Variants in JMJD1C observed in about 807,000 individuals in gnomAD.
JMJD1C encodes jumonji domain-containing protein 1C.
Under a neutral mutation model 245.3 loss-of-function variants are expected in JMJD1C, and 31 were observed. That is an observed-to-expected ratio of 0.13 (90% CI 0.09 to 0.17). The LOEUF (loss-of-function observed/expected upper bound fraction) is 0.17, where lower values mean the gene tolerates loss of function less well. JMJD1C is among the 10% of genes least tolerant of loss of function. The pLI is 1.00. For missense variants in JMJD1C, 2,691 were observed against 3,000.2 expected (o/e 0.90, Z 2.41); for synonymous variants, 1,057 against 1,017.4 (o/e 1.04, Z -0.74).
chr10:63,219,843 C>CA, intron 4 of JMJD1C, 35 bp downstream of exon 4: 1 of 1,510,946 alleles, frequency 6.6e-7, no homozygotes, highest in Non-Finnish European at 9.2e-7. Flanking sequence ...TGCCTAGATC[C>CA]AAAAAAATTT....
intron 1 of JMJD1C, among the ~76,000 whole-genome samples, chr10:63,391,964 G>A (rs1475220379): frequency 6.6e-6 from 1 of 152,112 alleles, no homozygotes; most frequent in African/African-American, 2.4e-5. Flanking sequence ...GTACTAACCA[G>A]GCTTTAAACC....
chr10:63,222,053 A>G, intron 3 of JMJD1C: 2 of 449,860 alleles, frequency 4.4e-6, no homozygotes, highest in South Asian at 4.1e-5. Context: ...GAAAACCATT[A>G]CTATTTTCAG....
intron 16 of JMJD1C, among the ~76,000 whole-genome samples, chr10:63,192,258 TAAAAAAAAAAAAA>T: frequency 9.1e-6 from 1 of 110,330 alleles, no homozygotes; most frequent in South Asian, 3.0e-4. Flanking sequence ...CTACAAAAAC[TAAAAAAAAAAAAA>T]AAAAAAAAAA....
intron 1 of JMJD1C, among the ~76,000 whole-genome samples, chr10:63,490,926 A>G (rs1954153949): frequency 6.6e-6 from 1 of 152,232 alleles, no homozygotes; most frequent in African/African-American, 2.4e-5. Context: ...ACATTTACTG[A>G]GCACCTACCA....
intron 3 of JMJD1C, among the ~76,000 whole-genome samples, chr10:63,238,040 G>A (rs1850970499): frequency 7.1e-6 from 1 of 140,886 alleles, no homozygotes; most frequent in Middle Eastern, 3.9e-3. Context: ...AAAAAGCCGG[G>A]TATGGAGGCA....
chr10:63,274,824 A>G (rs964411276), intron 2 of JMJD1C, among the ~76,000 whole-genome samples: 1 of 152,186 alleles, frequency 6.6e-6, no homozygotes, highest in Non-Finnish European at 1.5e-5. Flanking sequence ...TAGTGAGGAA[A>G]AGACAACCAA....
chr10:63,392,386 A>G (rs1225233587), intron 1 of JMJD1C, among the ~76,000 whole-genome samples: 1 of 152,204 alleles, frequency 6.6e-6, no homozygotes, highest in Non-Finnish European at 1.5e-5. Flanking sequence ...TAAACTGCAC[A>G]GTTCTGCACG....
intron 2 of JMJD1C, among the ~76,000 whole-genome samples, chr10:63,302,790 C>G (rs1181218485): frequency 1.3e-5 from 2 of 152,144 alleles, no homozygotes; most frequent in Admixed American, 6.6e-5. Context: ...TTGGAATTAG[C>G]CAAAATTATG....
intron 2 of JMJD1C, among the ~76,000 whole-genome samples, chr10:63,360,729 A>G (rs995999403): frequency 1.3e-5 from 2 of 152,156 alleles, no homozygotes; most frequent in Non-Finnish European, 2.9e-5. Flanking sequence ...GATAAATATT[A>G]CATACCACAA....
chr10:63,307,700 G>GA (rs1173333161), intron 2 of JMJD1C, among the ~76,000 whole-genome samples: 30 of 148,596 alleles, frequency 2.0e-4, no homozygotes, highest in East Asian at 1.2e-3. Flanking sequence ...AGCCATTTAA[G>GA]AAAAAAAAAA....
At chr10:63,427,494 C>A in intron 1 of JMJD1C, 2 of 1,287,622 alleles carry the variant, frequency 1.6e-6, no homozygotes, top group South Asian at 1.2e-5. Context: ...CCCACTGGGC[C>A]AAGCAACTGT....
At chr10:63,465,451 G>C in intron 1 of JMJD1C, 44 bp downstream of exon 1, 2 of 1,530,806 alleles carry the variant, frequency 1.3e-6, no homozygotes, top group Non-Finnish European at 8.8e-7. Flanking sequence ...GCGAGAGCCG[G>C]GTGCGGGCGC....
chr10:63,510,333 T>C (rs976637174), intron 1 of JMJD1C, among the ~76,000 whole-genome samples: 7 of 152,206 alleles, frequency 4.6e-5, no homozygotes, highest in Non-Finnish European at 1.0e-4. Flanking sequence ...TTCTAATAAA[T>C]GCATTCAATC....
At chr10:63,254,262 A>C (rs369730860) in intron 3 of JMJD1C, among the ~76,000 whole-genome samples, 81 of 152,326 alleles carry the variant, frequency 5.3e-4, no homozygotes, top group African/African-American at 1.9e-3. Flanking sequence ...ACTAGAAAAC[A>C]TCTTAATATG....
chr10:63,414,823 C>T (rs547548859), intron 1 of JMJD1C, among the ~76,000 whole-genome samples: 2 of 151,698 alleles, frequency 1.3e-5, no homozygotes, highest in East Asian at 3.9e-4. Flanking sequence ...AGGAGAATCA[C>T]TTGAACCCAG....
At chr10:63,500,862 T>C (rs1236965276) in intron 1 of JMJD1C, among the ~76,000 whole-genome samples, 1 of 152,160 alleles carries the variant, frequency 6.6e-6, no homozygotes, top group Non-Finnish European at 1.5e-5. Context: ...GATGGATAGA[T>C]AGATAAATGT....
At chr10:63,197,289 A>G in intron 13 of JMJD1C, 122 bp downstream of exon 13, 2 of 835,502 alleles carry the variant, frequency 2.4e-6, no homozygotes, top group Non-Finnish European at 3.6e-6. Flanking sequence ...AACAAACTGA[A>G]AAAAAATACT....
chr10:63,384,475 G>A (rs1356612569), intron 1 of JMJD1C, among the ~76,000 whole-genome samples: 1 of 152,114 alleles, frequency 6.6e-6, no homozygotes, highest in Non-Finnish European at 1.5e-5. Context: ...GTACTAGCAG[G>A]CATGAAAATA....
intron 1 of JMJD1C, among the ~76,000 whole-genome samples, chr10:63,450,371 GCATTATTAC>G (rs1427100581): frequency 1.2e-4 from 18 of 151,842 alleles, no homozygotes; most frequent in African/African-American, 3.9e-4. Context: ...TACCATAGCA[GCATTATTAC>G]CATTATTACC....
Sources: gnomAD v4.1 joint callset for allele counts (sites outside exome capture counted in the v4.1 genomes callset) on GRCh38, gnomAD v4.1.1 for gene constraint, MANE v1.5 for transcripts, NCBI Gene and HGNC (gene_info 2026-07-23, HGNC 2026-07-21) for gene names.